Variants in KIRREL3 observed in about 807,000 individuals in gnomAD.
KIRREL3 encodes kirre like nephrin family adhesion molecule 3.
KIRREL3 carries 36 observed loss-of-function variants against 89.7 expected under a neutral mutation model. The ratio of observed to expected loss-of-function variants is 0.40; its 90% CI spans 0.31 to 0.53. The LOEUF (loss-of-function observed/expected upper bound fraction) is 0.53. Among genes scored for constraint, KIRREL3 ranks in the 20% least tolerant of loss-of-function variants. The pLI is 0.49. For missense variants in KIRREL3, 864 were observed against 1,056.6 expected (o/e 0.82, Z 2.53); for synonymous variants, 445 against 441.4 (o/e 1.01, Z -0.10).
rs541888738 is a variant in KIRREL3 at position 126,964,416 on chromosome 11, G to A, written c.55+36039C>T. Among the ~76,000 whole-genome samples, 19 of 152,290 alleles carry A rather than the reference G, an allele frequency of 1.2e-4. No individual in the cohort carries two copies. In the South Asian group the frequency reaches 3.9e-3, roughly 32 times the overall value. The stretch of plus-strand genomic sequence containing the variant: ...TTTTAGCTCTTCAGTGAATATAATT[G>A]TCAGTGTGACAGACTCTAGTAGGAG... On this transcript the variant is annotated intron_variant, in intron 1 of 16. Transcript: ENST00000525144.
chr11:126,663,746 G>T (rs758086556), intron 1 of KIRREL3, among the ~76,000 whole-genome samples: 16 of 152,306 alleles, frequency 1.1e-4, no homozygotes, highest in Middle Eastern at 3.4e-3. Flanking sequence ...ATTGCATCCT[G>T]GAGCCAGTTA....
At chr11:126,816,745 C>T (rs1483740346) in intron 1 of KIRREL3, among the ~76,000 whole-genome samples, 1 of 152,198 alleles carries the variant, frequency 6.6e-6, no homozygotes, top group East Asian at 1.9e-4. Flanking sequence ...TAAGGCTCTT[C>T]TTTGCGCCAA....
chr11:126,835,094 T>C (rs1943734315), intron 1 of KIRREL3, among the ~76,000 whole-genome samples: 1 of 152,220 alleles, frequency 6.6e-6, no homozygotes, highest in African/African-American at 2.4e-5. Flanking sequence ...AGGCCTGTGA[T>C]TAATCCTCAG....
chr11:126,587,081 C>T lies in KIRREL3; in HGVS notation c.56-24169G>A, dbSNP rs114032754. The stretch of plus-strand genomic sequence containing the variant: ...GTGGGAGAGATGAATAAACAGGCAA[C>T]GACGATGCAGTGTGATGGATGCTCC... On this transcript the variant is annotated intron_variant, in intron 1 of 16. Transcript: ENST00000525144. This position sits in a 1 kb window ranked among gnomAD's most constrained non-coding sequence, Gnocchi z 5.2. 0.014 allele frequency among the ~76,000 whole-genome samples: 2,083 copies of T among 152,212 alleles called. 42 individuals carry two copies. The highest frequency in any genetic ancestry group is 0.047 in the African/African-American group (1,951 of 41,498).
intron 1 of KIRREL3, among the ~76,000 whole-genome samples, chr11:126,757,213 G>A (rs887604656): frequency 4.2e-4 from 64 of 152,024 alleles, no homozygotes; most frequent in African/African-American, 1.5e-3. Context: ...ATTAAAAGCT[G>A]TGCTACATAA....
Position 126,943,902 on chromosome 11 carries a change from G to A in KIRREL3, c.55+56553C>T, listed in dbSNP as rs183285668. On this transcript the variant is annotated intron_variant, in intron 1 of 16. Coordinates refer to ENST00000525144, the MANE Select transcript of KIRREL3 (RefSeq NM_032531.4). The surrounding 1 kb of genome is among the most constrained non-coding windows in gnomAD (Gnocchi z 4.2). ...GTCTAGGTGGAGACTTCTTAATTTAGATATTGATGCAGTTCGGGACATACC... is the reference window on the plus strand; with the variant it reads ...GTCTAGGTGGAGACTTCTTAATTTAAATATTGATGCAGTTCGGGACATACC... Among the ~76,000 whole-genome samples, 34 of 152,324 alleles carry A rather than the reference G, an allele frequency of 2.2e-4. No individual in the cohort carries two copies. Among genetic ancestry groups the A allele is most frequent in the Admixed American group, 1.2e-3 (18 of 15,306 alleles).
rs528266801 is a variant in KIRREL3 at position 126,575,579 on chromosome 11, G to A, written c.56-12667C>T. Among the ~76,000 whole-genome samples the A allele has an allele frequency of 6.6e-6, 1 of 152,126 alleles. No homozygotes were observed. The highest frequency in any genetic ancestry group is 1.5e-5 in the Non-Finnish European group (1 of 68,040). ...TAATATATTATTAGAAAGTACAGGG[G>A]TATGCTAAAAGTCAGGAAAATAATA... On this transcript the variant is annotated intron_variant, in intron 1 of 16. Coordinates refer to ENST00000525144, the MANE Select transcript of KIRREL3 (RefSeq NM_032531.4). The surrounding 1 kb of genome is among the most constrained non-coding windows in gnomAD (Gnocchi z 7.0).
Position 126,435,300 on chromosome 11 carries a change from G to C in KIRREL3, c.1556C>G (p.Ser519Trp). ...CAGCCCGGCTCCCGACTTCATTTCC[G>C]AACCTGTTTGGAAATAAAGCAAGCG... ...TEIIRLKEQG[S>W]EMKSGAGLEA... Residue 519 changes from serine (S) to tryptophan (W), a missense_variant, in exon 13 of 17, where the codon TCG becomes TGG. By Grantham distance (177) the Ser-to-Trp change is radical (BLOSUM62 -3). Transcript: ENST00000525144. 1.2e-6 allele frequency: 2 copies of C among 1,609,222 alleles called. No individual in the cohort carries two copies. Among genetic ancestry groups the C allele is most frequent in the Non-Finnish European group, 1.7e-6 (2 of 1,177,826 alleles).
Position 126,989,637 on chromosome 11 carries a change from G to A in KIRREL3, c.55+10818C>T, listed in dbSNP as rs1412810565. Among the ~76,000 whole-genome samples, 1 of 152,064 alleles carries A rather than the reference G, an allele frequency of 6.6e-6. No homozygotes were observed. The highest frequency in any genetic ancestry group is 1.5e-5 in the Non-Finnish European group (1 of 68,022). ...CAACTCGGGATCTCAGACACATCTC[G>A]TCACAATTATCAAGTGGCAAAAAAG... On this transcript the variant is annotated intron_variant, in intron 1 of 16. Coordinates refer to ENST00000525144, the MANE Select transcript of KIRREL3 (RefSeq NM_032531.4). The surrounding 1 kb of genome is among the most constrained non-coding windows in gnomAD (Gnocchi z 6.2).
rs1005864226 is a variant in KIRREL3, at chr11:126,764,792, C to A, written c.56-201880G>T. On this transcript the variant is annotated intron_variant, in intron 1 of 16. Transcript: ENST00000525144. This position sits in a 1 kb window ranked among gnomAD's most constrained non-coding sequence, Gnocchi z 4.2. ...AGCCTCCGGGGCCATATAAACGCGG[C>A]TATTTTCACAGTCCAACTTCAGAAC... Among the ~76,000 whole-genome samples, 4 of 152,260 alleles carry A rather than the reference C, an allele frequency of 2.6e-5. No individual in the cohort carries two copies. Among genetic ancestry groups the A allele is most frequent in the African/African-American group, 9.6e-5 (4 of 41,556 alleles).
chr11:126,780,730 G>A lies in KIRREL3; in HGVS notation c.56-217818C>T, dbSNP rs1249144628. 6.6e-6 allele frequency among the ~76,000 whole-genome samples: 1 copy of A among 152,188 alleles called. No homozygotes were observed. The highest frequency in any genetic ancestry group is 1.9e-4 in the East Asian group (1 of 5,192). On this transcript the variant is annotated intron_variant, in intron 1 of 16. Transcript: ENST00000525144. This position sits in a 1 kb window ranked among gnomAD's most constrained non-coding sequence, Gnocchi z 5.3. The stretch of plus-strand genomic sequence containing the variant: ...GGTGTATCCAGGGCAGGATGTGAAA[G>A]CCTCCTGCAGTCTCAGGAATAGGAT...
At chr11:126,478,302 T>C (rs1202974464) in intron 4 of KIRREL3, among the ~76,000 whole-genome samples, 1 of 152,256 alleles carries the variant, frequency 6.6e-6, no homozygotes, top group African/African-American at 2.4e-5. Flanking sequence ...GGTTCATTTA[T>C]TATCTGTCAC....
intron 1 of KIRREL3, among the ~76,000 whole-genome samples, chr11:126,770,570 G>A (rs1293130404): frequency 6.6e-6 from 1 of 152,194 alleles, no homozygotes; most frequent in Non-Finnish European, 1.5e-5. Context: ...CGTGCCTCTT[G>A]TTGCAAGTAA....
At position 126,814,872 on chromosome 11, in the gene KIRREL3, T is replaced by C. The variant is rs543076203; in HGVS notation, c.55+185583A>G. 2.6e-5 allele frequency among the ~76,000 whole-genome samples: 4 copies of C among 152,254 alleles called. No homozygotes were observed. The highest frequency in any genetic ancestry group is 1.9e-4 in the East Asian group (1 of 5,182). On this transcript the variant is annotated intron_variant, in intron 1 of 16. Coordinates refer to ENST00000525144, the MANE Select transcript of KIRREL3 (RefSeq NM_032531.4). The surrounding 1 kb of genome is among the most constrained non-coding windows in gnomAD (Gnocchi z 4.4). ...GGTTCATCGGTGCAGCGAACCACCATGGCACACGTATCTATGTAACAAACC... is the reference window on the plus strand; with the variant it reads ...GGTTCATCGGTGCAGCGAACCACCACGGCACACGTATCTATGTAACAAACC...
intron 1 of KIRREL3, among the ~76,000 whole-genome samples, chr11:126,785,872 C>CAAAAAAAA (rs34526435): frequency 7.9e-5 from 3 of 37,806 alleles, no homozygotes; most frequent in African/African-American, 2.1e-4. Flanking sequence ...GACTCCGTCT[C>CAAAAAAAA]AAAAAAAAAA....
In KIRREL3 at chr11:126,656,129, C is replaced by T. The variant is rs999511734; in HGVS notation, c.56-93217G>A. On this transcript the variant is annotated intron_variant, in intron 1 of 16. Transcript: ENST00000525144. The surrounding 1 kb of genome is among the most constrained non-coding windows in gnomAD (Gnocchi z 4.0). ...AAGGAATAAGAAACTAGTGCTGTCT[C>T]GGGAACCAGCAACACAGATGTTCCC... is the stretch of plus-strand genomic sequence containing the variant. The T allele has an allele frequency of 1.5e-5, 7 of 455,994 alleles. No homozygotes were observed. The highest frequency in any genetic ancestry group is 4.7e-5 in the Admixed American group (2 of 42,552). The allele number at this position is 455,994 out of a possible 1,614,324, so 28.2% of individuals were successfully genotyped here.
rs1397037889 is a variant in KIRREL3 at position 126,522,656 on chromosome 11, A to T, written c.284-1192T>A. ...AGTTGTGGCTGGCCACCTTAGGCAG[A>T]TCCTCTCTTTCCTGGGTCTCGGGCC... is the stretch of plus-strand genomic sequence containing the variant. On this transcript the variant is annotated intron_variant, in intron 3 of 16. Transcript: ENST00000525144. The surrounding 1 kb of genome is among the most constrained non-coding windows in gnomAD (Gnocchi z 6.0). Among the ~76,000 whole-genome samples the T allele has an allele frequency of 2.0e-5, 3 of 152,216 alleles. No individual in the cohort carries two copies. The highest frequency in any genetic ancestry group is 4.8e-5 in the African/African-American group (2 of 41,452).
rs535144459 is a variant in KIRREL3 at position 126,603,712 on chromosome 11, G to A, written c.56-40800C>T. 4.6e-5 allele frequency among the ~76,000 whole-genome samples: 7 copies of A among 152,372 alleles called. No individual in the cohort carries two copies. In the South Asian group the frequency reaches 6.2e-4, roughly 14 times the overall value. On this transcript the variant is annotated intron_variant, in intron 1 of 16. Transcript: ENST00000525144. ...TGTTTCTCTGGGCCCTGCCTGGTGC[G>A]CAGCAGCCATATCCTGGGCAGGTGT... is the stretch of plus-strand genomic sequence containing the variant.
In KIRREL3 at chr11:126,515,791, G is replaced by A. The variant is rs551454437; in HGVS notation, c.433+5524C>T. On this transcript the variant is annotated intron_variant, in intron 4 of 16. Transcript: ENST00000525144. The surrounding 1 kb of genome is among the most constrained non-coding windows in gnomAD (Gnocchi z 4.2). ...TTTTGTTCTGTGGGGACACTTTCTCGCCCCTGAAGAACCCCTCAGACTGTC... is the reference window on the plus strand; with the variant it reads ...TTTTGTTCTGTGGGGACACTTTCTCACCCCTGAAGAACCCCTCAGACTGTC... 2.4e-4 allele frequency among the ~76,000 whole-genome samples: 36 copies of A among 152,276 alleles called. No individual in the cohort carries two copies. Among genetic ancestry groups the A allele is most frequent in the East Asian group, 9.7e-4 (5 of 5,170 alleles).
Sources: allele counts gnomAD v4.1 joint callset (sites outside exome capture counted in the v4.1 genomes callset), GRCh38; gene constraint gnomAD v4.1.1; non-coding constraint Gnocchi (gnomAD v3.1); transcripts MANE v1.5; gene names NCBI Gene and HGNC (gene_info 2026-07-23, HGNC 2026-07-21).